Variants in COP1 observed in about 807,000 individuals in gnomAD.
COP1 encodes the protein COP1 E3 ubiquitin ligase.
In COP1, 24 loss-of-function variants were observed where a neutral mutation model predicts 101.3. The ratio of observed to expected loss-of-function variants is 0.24; its 90% CI spans 0.17 to 0.33. COP1 has a LOEUF of 0.33. Among genes scored for constraint, COP1 ranks in the 10% least tolerant of loss-of-function variants. The pLI is 1.00. For missense variants in COP1, 663 were observed against 906.2 expected, an observed-to-expected ratio of 0.73 and a Z score of 3.45; for synonymous variants, 347 against 341.9, an observed-to-expected ratio of 1.01 and a Z score of -0.17.
At position 176,046,601 on chromosome 1, in the gene COP1, A is replaced by C. The variant is rs535975809; in HGVS notation, c.1278-277T>G. ...ACATGCTTTTCATTCAGTTCTAATA[A>C]CCATATTACAGCTTACTGAGAAAGA... is the stretch of plus-strand genomic sequence containing the variant. On this transcript the variant is annotated intron_variant, in intron 11 of 19. Transcript: ENST00000367669. 3.9e-5 allele frequency among the ~76,000 whole-genome samples: 6 copies of C among 152,152 alleles called. No individual in the cohort carries two copies. In the South Asian group the frequency reaches 1.2e-3, roughly 32 times the overall value.
chr1:176,184,817 A>C (rs1698246488), intron 1 of COP1, 125 bp from the exon 2 acceptor site: 2 of 611,096 alleles, frequency 3.3e-6, no homozygotes, highest in Admixed American at 3.1e-5. Flanking sequence ...GTCTATAAAC[A>C]TTCTATCAAT....
intron 18 of COP1, chr1:175,968,440 G>A (rs771645322): frequency 1.9e-6 from 1 of 519,102 alleles, no homozygotes; most frequent in Non-Finnish European, 3.8e-6. Flanking sequence ...GCTGTCCTAA[G>A]CCAGACAGAG....
rs115736627 is a variant in COP1, at chr1:176,175,884, A to G, written c.565+26T>C. On this transcript the variant is annotated intron_variant, in intron 3 of 19. Transcript: ENST00000367669. ...AATTTTGGGGATCGAAATATTTTTA[A>G]AATAAAAATCATTCCAAAGACTCAC... The G allele has an allele frequency of 2.9e-4, 375 of 1,293,368 alleles. 1 individual carries two copies. The African/African-American group carries it at 5.1e-3, about 17-fold the overall frequency. 80.1% of individuals were successfully genotyped at this position (1,293,368 alleles called of 1,614,324 possible). A position where few individuals can be genotyped will look rare whatever the true frequency, so the allele number is the denominator to read the frequency against.
At chr1:175,985,965 G>C (rs1657011967) in intron 18 of COP1, among the ~76,000 whole-genome samples, 1 of 151,972 alleles carries the variant, frequency 6.6e-6, no homozygotes, top group Non-Finnish European at 1.5e-5. Flanking sequence ...CACCTAAAAA[G>C]CTATTTTAAA....
intron 8 of COP1, among the ~76,000 whole-genome samples, chr1:176,122,033 A>AG (rs1213393408): frequency 6.6e-6 from 1 of 151,248 alleles, no homozygotes; most frequent in African/African-American, 2.4e-5. Context: ...CCAGCTACTC[A>AG]GGAGGCTGAG....
chr1:175,947,268 T>C (rs758816416), intron 18 of COP1, 29 bp from the exon 19 acceptor site: 20 of 1,531,694 alleles, frequency 1.3e-5, no homozygotes, highest in East Asian at 2.2e-5. Context: ...TTTTAAAGTA[T>C]AGAGAAGGAT....
At chr1:175,981,240 T>C (rs1655781879) in intron 18 of COP1, among the ~76,000 whole-genome samples, 1 of 152,216 alleles carries the variant, frequency 6.6e-6, no homozygotes, top group Admixed American at 6.5e-5. Flanking sequence ...AGATTTTCAC[T>C]GGATGTAGAA....
intron 8 of COP1, among the ~76,000 whole-genome samples, chr1:176,125,738 AT>A (rs901855648): frequency 6.0e-5 from 9 of 151,012 alleles, no homozygotes; most frequent in Admixed American, 2.6e-4. Flanking sequence ...AAATTTTAGG[AT>A]TTTTTTTTCT....
intron 15 of COP1, among the ~76,000 whole-genome samples, chr1:176,000,696 C>G (rs541607310): frequency 2.6e-5 from 4 of 151,384 alleles, no homozygotes; most frequent in African/African-American, 9.7e-5. Context: ...GGTTCTCAAC[C>G]TGTATATGGT....
At chr1:176,104,664 T>C (rs1468808609) in intron 9 of COP1, among the ~76,000 whole-genome samples, 1 of 152,176 alleles carries the variant, frequency 6.6e-6, no homozygotes, top group Non-Finnish European at 1.5e-5. Context: ...AGTCATTCTG[T>C]TAGAGGTGCT....
At chr1:175,959,900 G>T (rs1456394257) in intron 18 of COP1, among the ~76,000 whole-genome samples, 5 of 152,092 alleles carry the variant, frequency 3.3e-5, no homozygotes, top group Admixed American at 6.6e-5. Flanking sequence ...AATGTACAGA[G>T]TCAAAAGTTT....
intron 15 of COP1, among the ~76,000 whole-genome samples, chr1:176,014,932 C>T (rs949082467): frequency 5.9e-5 from 9 of 152,102 alleles, no homozygotes; most frequent in Middle Eastern, 3.4e-3. Flanking sequence ...TGCTTACATT[C>T]AAGTATTAAA....
chr1:175,968,371 C>A, intron 18 of COP1: 2 of 481,980 alleles, frequency 4.1e-6, no homozygotes, highest in Non-Finnish European at 8.2e-6. Context: ...GCAAGGAAAC[C>A]AAGTATTTAG....
Position 176,041,678 on chromosome 1 carries a change from A to T in COP1, c.1612+1508T>A, listed in dbSNP as rs190818815. On this transcript the variant is annotated intron_variant, in intron 14 of 19. Transcript: ENST00000367669. Reference sequence around the variant, plus strand: ...CCTGCTTGGATTTTTAAAAAAATAAACAGTAGGCCGGGCATGGTGGCTCAC... The same window carrying T: ...CCTGCTTGGATTTTTAAAAAAATAATCAGTAGGCCGGGCATGGTGGCTCAC... Among the ~76,000 whole-genome samples, 400 of 152,312 alleles carry T rather than the reference A, an allele frequency of 2.6e-3. 3 individuals are homozygous for T. Among genetic ancestry groups the T allele is most frequent in the African/African-American group, 9.2e-3 (382 of 41,584 alleles).
At chr1:176,134,506 G>A (rs180711341) in intron 8 of COP1, among the ~76,000 whole-genome samples, 72 of 151,828 alleles carry the variant, frequency 4.7e-4, no homozygotes, top group African/African-American at 1.6e-3. Context: ...TACTAATATC[G>A]CATATAGAAG....
intron 18 of COP1, among the ~76,000 whole-genome samples, chr1:175,965,583 G>GTTTT (rs1304931609): frequency 0.017 from 363 of 20,802 alleles, 3 homozygotes; most frequent in African/African-American, 0.028. Flanking sequence ...TTTTTGTTTT[G>GTTTT]TTTTTGTTTG....
chr1:175,994,711 T>A (rs1659635313), intron 15 of COP1, among the ~76,000 whole-genome samples: 1 of 152,154 alleles, frequency 6.6e-6, no homozygotes, highest in South Asian at 2.1e-4. Context: ...TAAATATATA[T>A]GCACCCAATA....
At chr1:175,978,839 T>C (rs189922620) in intron 18 of COP1, among the ~76,000 whole-genome samples, 5 of 152,270 alleles carry the variant, frequency 3.3e-5, no homozygotes, top group East Asian at 1.9e-4. Flanking sequence ...TCCGCACTCA[T>C]TGAGGAATTT....
chr1:176,085,600 C>A (rs1225894212), intron 10 of COP1, among the ~76,000 whole-genome samples, 176 bp downstream of exon 10: 1 of 152,122 alleles, frequency 6.6e-6, no homozygotes, highest in Non-Finnish European at 1.5e-5. Context: ...AAAAAATAGT[C>A]ATTGGAAAGT....
Sources: gnomAD v4.1 joint callset for allele counts (sites outside exome capture counted in the v4.1 genomes callset) on GRCh38, gnomAD v4.1.1 for gene constraint, MANE v1.5 for transcripts, NCBI Gene and HGNC (gene_info 2026-07-23, HGNC 2026-07-21) for gene names.